Variants in MAGI1 observed in about 807,000 individuals in gnomAD.
The protein encoded by MAGI1 is membrane associated guanylate kinase, WW and PDZ domain containing 1.
Under a neutral mutation model 139.9 loss-of-function variants are expected in MAGI1, and 58 were observed. The observed-to-expected ratio is 0.41, with a 90% CI of 0.34 to 0.52. The LOEUF is 0.52. Ranked by LOEUF, MAGI1 falls within the 20% of genes least tolerant of loss-of-function variation. MAGI1 has a pLI of 0.12. For missense variants in MAGI1, 1,874 were observed against 1,901.6 expected, an observed-to-expected ratio of 0.99 and a Z score of 0.27; for synonymous variants, 812 against 737.9, an observed-to-expected ratio of 1.10 and a Z score of -1.63.
intron 4 of MAGI1, among the ~76,000 whole-genome samples, chr3:65,474,009 T>C (rs79974071): frequency 0.019 from 2,837 of 152,292 alleles, 89 homozygotes; most frequent in African/African-American, 0.063. Context: ...CATGTGCCTG[T>C]AATCCTAGCT....
chr3:65,558,828 T>C (rs1576317050), intron 2 of MAGI1, among the ~76,000 whole-genome samples: 1 of 152,220 alleles, frequency 6.6e-6, no homozygotes, highest in Non-Finnish European at 1.5e-5. Flanking sequence ...AAAGCTCATA[T>C]GTCACCTAAA....
Position 65,678,317 on chromosome 3 carries a change from T to C in MAGI1, c.314-56229A>G, listed in dbSNP as rs367732196. Among the ~76,000 whole-genome samples, 31 of 149,042 alleles carry C rather than the reference T, an allele frequency of 2.1e-4. 1 individual carries two copies. The East Asian group carries it at 6.2e-3, about 30-fold the overall frequency. ...CACATGGATCCCATAACTTAAAGTATAATGATAAAAAAAGAAAACCTTTAA... is the reference window on the plus strand; with the variant it reads ...CACATGGATCCCATAACTTAAAGTACAATGATAAAAAAAGAAAACCTTTAA... On this transcript the variant is annotated intron_variant, in intron 1 of 22. Transcript: ENST00000402939.
chr3:65,377,855 C>G (rs1426288250), intron 17 of MAGI1, among the ~76,000 whole-genome samples: 1 of 152,190 alleles, frequency 6.6e-6, no homozygotes, highest in Non-Finnish European at 1.5e-5. Flanking sequence ...CCCTGTTAAA[C>G]ATAAAACTTA....
At chr3:65,625,092 C>T (rs2083898862) in intron 1 of MAGI1, among the ~76,000 whole-genome samples, 1 of 152,076 alleles carries the variant, frequency 6.6e-6, no homozygotes, top group Admixed American at 6.5e-5. Flanking sequence ...AGGCTGGTCT[C>T]GAACTCCTGC....
At chr3:65,824,213 T>G (rs888620819) in intron 1 of MAGI1, among the ~76,000 whole-genome samples, 1 of 152,220 alleles carries the variant, frequency 6.6e-6, no homozygotes, top group African/African-American at 2.4e-5. Flanking sequence ...GAACTTGACA[T>G]AATTTCAGGA....
At chr3:65,378,911 A>C (rs1236296376) in intron 17 of MAGI1, among the ~76,000 whole-genome samples, 2 of 151,958 alleles carry the variant, frequency 1.3e-5, no homozygotes, top group Non-Finnish European at 2.9e-5. Flanking sequence ...CAAACTCCTG[A>C]CCTCAAGTGA....
chr3:65,461,440 C>T (rs562575014), intron 5 of MAGI1, among the ~76,000 whole-genome samples: 2 of 149,308 alleles, frequency 1.3e-5, no homozygotes, highest in Non-Finnish European at 3.0e-5. Flanking sequence ...TGGTCTCGAT[C>T]TCCTGACCTC....
At chr3:65,466,732 G>A (rs970689110) in intron 5 of MAGI1, among the ~76,000 whole-genome samples, 1 of 152,164 alleles carries the variant, frequency 6.6e-6, no homozygotes, top group South Asian at 2.1e-4. Context: ...GTTCCCTCAA[G>A]TGGTCTCCAC....
chr3:65,356,364 T>C lies in MAGI1; in HGVS notation c.*14A>G, dbSNP rs777708263. On this transcript the variant is annotated 3_prime_UTR_variant, in exon 23 of 23. Transcript: ENST00000402939. ...ACCTTTGACACGGTAAAGGTTGGAA[T>C]GTGACTCAGCGTCTCAGATACTGAG... 1.3e-6 allele frequency: 2 copies of C among 1,558,810 alleles called. No homozygotes were observed. Among genetic ancestry groups the C allele is most frequent in the East Asian group, 2.3e-5 (1 of 44,376 alleles).
At chr3:65,440,085 C>T in intron 8 of MAGI1, 73 bp from the exon 9 acceptor site, 3 of 1,548,552 alleles carry the variant, frequency 1.9e-6, no homozygotes, top group Non-Finnish European at 1.8e-6. Flanking sequence ...CAGACCAAGT[C>T]CCTGGAATCA....
chr3:65,413,093 T>A (rs947503720), intron 12 of MAGI1, among the ~76,000 whole-genome samples: 1 of 139,972 alleles, frequency 7.1e-6, no homozygotes, highest in Non-Finnish European at 1.5e-5. Flanking sequence ...TGAAAAAAAA[T>A]CTCAGATCCT....
chr3:65,492,920 T>C (rs943503549), intron 3 of MAGI1, among the ~76,000 whole-genome samples: 3 of 151,688 alleles, frequency 2.0e-5, no homozygotes, highest in Non-Finnish European at 2.9e-5. Context: ...CTACTAAAAA[T>C]ACAAAAAATT....
chr3:65,589,837 CA>C (rs11443949), intron 2 of MAGI1, among the ~76,000 whole-genome samples: 125 of 135,858 alleles, frequency 9.2e-4, no homozygotes, highest in Non-Finnish European at 1.1e-3. Flanking sequence ...GGGTGGTTTT[CA>C]AAAAAAAAAA....
At chr3:65,426,510 T>C (rs114973159) in intron 12 of MAGI1, among the ~76,000 whole-genome samples, 2,801 of 152,252 alleles carry the variant, frequency 0.018, 83 homozygotes, top group African/African-American at 0.063. Context: ...CTGAGACTCA[T>C]GGAACAGTGT....
chr3:65,381,885 A>G lies in MAGI1; in HGVS notation c.2693T>C (p.Val898Ala). The change falls in exon 16 of 23, where the codon GTT becomes GCT. Residue 898 changes from valine (V) to alanine (A), a missense_variant. By Grantham distance (64) the Val-to-Ala change is moderately conservative. This residue lies in a region of MAGI1 where 482 missense variants were observed against 509.6 expected (regional missense o/e 0.95). Coordinates refer to ENST00000402939, the MANE Select transcript of MAGI1 (RefSeq NM_001033057.2). ...HVNLTVRRKV[V>A]FAVPKTENEV... Reference sequence around the variant, plus strand: ...ATGAATGAAATACATACCCGCAAAAACCACTTTACGCCGCACCGTGAGATT... The same window carrying G: ...ATGAATGAAATACATACCCGCAAAAGCCACTTTACGCCGCACCGTGAGATT... 1 of 1,609,566 alleles carries G rather than the reference A, an allele frequency of 6.2e-7. No individual in the cohort carries two copies.
At chr3:65,439,063 A>G (rs896937575) in intron 9 of MAGI1, among the ~76,000 whole-genome samples, 3 of 152,190 alleles carry the variant, frequency 2.0e-5, no homozygotes, top group African/African-American at 7.2e-5. Flanking sequence ...TGGGAGTATT[A>G]AGCCTATGAT....
chr3:65,767,482 TAAAG>T (rs1407703016), intron 1 of MAGI1, among the ~76,000 whole-genome samples: 1 of 152,034 alleles, frequency 6.6e-6, no homozygotes, highest in Non-Finnish European at 1.5e-5. Flanking sequence ...AATAAATAAA[TAAAG>T]ACTTTACTCA....
chr3:65,447,377 A>G (rs1260084798), intron 7 of MAGI1, among the ~76,000 whole-genome samples: 1 of 152,218 alleles, frequency 6.6e-6, no homozygotes, highest in South Asian at 2.1e-4. Context: ...AACAACAATA[A>G]CTAGAGTAGT....
intron 8 of MAGI1, 116 bp from the exon 9 acceptor site, chr3:65,440,128 C>A (rs1353111768): frequency 7.1e-6 from 8 of 1,128,668 alleles, no homozygotes; most frequent in African/African-American, 3.1e-5. Context: ...GAGATGCTAA[C>A]CCTCGTGTGT....
Sources: gnomAD v4.1 joint callset for allele counts (sites outside exome capture counted in the v4.1 genomes callset) on GRCh38, gnomAD v4.1.1 for gene constraint, gnomAD v4.1.1 regional missense constraint, MANE v1.5 for transcripts, NCBI Gene and HGNC (gene_info 2026-07-23, HGNC 2026-07-21) for gene names.